Variants in HGF observed in about 807,000 individuals in gnomAD.
HGF encodes fibroblast-derived tumor cytotoxic factor.
Under a neutral mutation model 111.6 loss-of-function variants are expected in HGF, and 39 were observed. The ratio of observed to expected loss-of-function variants is 0.35; its 90% CI spans 0.27 to 0.46. The LOEUF is 0.46. HGF is among the 20% of genes least tolerant of loss of function. The pLI, the probability that HGF is intolerant of heterozygous loss-of-function variation, is 1.00. For synonymous variants in HGF, 285 were observed against 294.8 expected, an observed-to-expected ratio of 0.97 and a Z score of 0.34; for missense variants, 735 against 910.5, an observed-to-expected ratio of 0.81 and a Z score of 2.48.
chr7:81,699,060 A>G lies in HGF; in HGVS notation c.*3521T>C, dbSNP rs944636425. 3.3e-5 allele frequency: 5 copies of G among 151,500 alleles called. No individual in the cohort carries two copies. In the East Asian group the frequency reaches 5.8e-4, roughly 18 times the overall value. The allele number at this position is 151,500 out of a possible 1,614,324, so 9.4% of individuals were successfully genotyped here. Reference sequence around the variant, plus strand: ...TAATAATATAATCATGGTTATAAAAATAACAACTTTATTAACTACAGAAAG... The same window carrying G: ...TAATAATATAATCATGGTTATAAAAGTAACAACTTTATTAACTACAGAAAG... On this transcript the variant is annotated 3_prime_UTR_variant, in exon 18 of 18. Coordinates refer to ENST00000222390, the MANE Select transcript of HGF (RefSeq NM_000601.6).
At chr7:81,744,593 A>G (rs866378936) in intron 6 of HGF, among the ~76,000 whole-genome samples, 1 of 152,148 alleles carries the variant, frequency 6.6e-6, no homozygotes, top group Non-Finnish European at 1.5e-5. Context: ...ATCACAGCTA[A>G]GACTTGTCAA....
At chr7:81,741,337 A>G (rs1787992957) in intron 7 of HGF, among the ~76,000 whole-genome samples, 1 of 152,174 alleles carries the variant, frequency 6.6e-6, no homozygotes, top group East Asian at 1.9e-4. Context: ...TAACAAAGAC[A>G]TTGGAATTAT....
chr7:81,741,458 G>A (rs1019012), intron 7 of HGF, among the ~76,000 whole-genome samples: 125,010 of 152,020 alleles, frequency 0.82, 51,866 homozygotes, highest in African/African-American at 0.93. Context: ...GCCTCTCTCA[G>A]TCTCTTTTTA....
Position 81,729,710 on chromosome 7 carries a change from C to G in HGF, c.935G>C (p.Gly312Ala). Reference protein sequence around the residue: ...TTECIQGQGEGYRGTVNTIWN... With the variant: ...TTECIQGQGEAYRGTVNTIWN... ...AATGGTATTGACAGTGCCCCTGTAG[C>G]CTTCTCCTTGACCTTGGATGCATTC... is the stretch of plus-strand genomic sequence containing the variant. The change falls in exon 8 of 18, where the codon GGC (glycine) becomes GCC (alanine). Residue 312 changes from glycine (G) to alanine (A), a missense_variant. Physicochemically the swap from Gly to Ala is moderately conservative, Grantham distance 60. Transcript: ENST00000222390. 1 of 1,613,818 alleles carries G rather than the reference C, an allele frequency of 6.2e-7. No homozygotes were observed. The highest frequency in any genetic ancestry group is 8.5e-7 in the Non-Finnish European group (1 of 1,179,798).
At position 81,757,377 on chromosome 7, in the gene HGF, A is replaced by C. The variant is rs560513795; in HGVS notation, c.368-74T>G. 100 of 786,392 alleles carry C rather than the reference A, an allele frequency of 1.3e-4. 1 individual carries two copies. Among genetic ancestry groups the C allele is most frequent in the Non-Finnish European group, 2.0e-4 (89 of 439,250 alleles). The allele number at this position is 786,392 out of a possible 1,614,324, so 48.7% of individuals were successfully genotyped here. A position where few individuals can be genotyped will look rare whatever the true frequency, so the allele number is the denominator to read the frequency against. On this transcript the variant is annotated intron_variant, in intron 3 of 17. Transcript: ENST00000222390. ...AGTATTTAAGAAAAAAATTCCGTTC[A>C]AACCTGTAAGTAATTAACTCTTGTA...
At chr7:81,747,796 G>C (rs907926725) in intron 5 of HGF, among the ~76,000 whole-genome samples, 13 of 152,134 alleles carry the variant, frequency 8.5e-5, no homozygotes, top group Admixed American at 2.0e-4. Context: ...CCTTGGGTCT[G>C]GTGGTGCGTG....
chr7:81,716,132 C>T (rs1014189887), intron 11 of HGF, among the ~76,000 whole-genome samples: 1 of 152,088 alleles, frequency 6.6e-6, no homozygotes, highest in Admixed American at 6.6e-5. Flanking sequence ...AATGATTTTG[C>T]CCTCCAGGGG....
chr7:81,702,632 A>T lies in HGF; in HGVS notation c.2136T>A (p.Tyr712Ter). The T allele has an allele frequency of 6.2e-7, 1 of 1,611,556 alleles. No homozygotes were observed. The change falls in exon 18 of 18, where the codon TAT (tyrosine) becomes TAA (stop). Residue 712 changes from tyrosine to a stop codon, truncating the protein, a stop_gained. Coordinates refer to ENST00000222390, the MANE Select transcript of HGF (RefSeq NM_000601.6). LOFTEE classifies it high-confidence loss of function. ...RPGIFVRVAYYAKWIHKIILT... is the reference protein window; with the variant it reads ...RPGIFVRVAY ...AAATAATTTTGTGTATCCATTTTGC[A>T]TAATATGCTACTCGGACAAAAATAC...
At chr7:81,765,297 T>C in intron 1 of HGF, among the ~76,000 whole-genome samples, 1 of 152,234 alleles carries the variant, frequency 6.6e-6, no homozygotes, top group Non-Finnish European at 1.5e-5. Context: ...TTTGATTGTA[T>C]TTAATTCTAA....
intron 10 of HGF, among the ~76,000 whole-genome samples, chr7:81,717,720 T>C (rs1319003346): frequency 1.3e-5 from 2 of 152,184 alleles, no homozygotes; most frequent in East Asian, 3.9e-4. Flanking sequence ...AGATTAAAAC[T>C]ATAAAATACA....
chr7:81,748,324 T>G (rs1788358817), intron 5 of HGF, among the ~76,000 whole-genome samples: 1 of 152,186 alleles, frequency 6.6e-6, no homozygotes, highest in South Asian at 2.1e-4. Context: ...TTGGAGGAAT[T>G]GCAGGGAAAG....
At chr7:81,714,637 C>G (rs958603989) in intron 11 of HGF, among the ~76,000 whole-genome samples, 1 of 151,708 alleles carries the variant, frequency 6.6e-6, no homozygotes, top group African/African-American at 2.4e-5. Context: ...ATAGGCACCT[C>G]TACATTTTTA....
intron 7 of HGF, among the ~76,000 whole-genome samples, chr7:81,742,262 C>A (rs927864499): frequency 2.6e-5 from 4 of 152,098 alleles, no homozygotes; most frequent in African/African-American, 9.7e-5. Flanking sequence ...CTTTTATTAG[C>A]AGGTCTAGAT....
rs377687259 is a variant in HGF at position 81,706,791 on chromosome 7, G to A, written c.1617-364C>T. On this transcript the variant is annotated intron_variant, in intron 14 of 17. Transcript: ENST00000222390. Reference sequence around the variant, plus strand: ...TATATTTGGTTTGGTAACAGGGGTTGAAGTTTTCTACAAACAAAATCAAAG... The same window carrying A: ...TATATTTGGTTTGGTAACAGGGGTTAAAGTTTTCTACAAACAAAATCAAAG... 2.6e-5 allele frequency among the ~76,000 whole-genome samples: 4 copies of A among 152,082 alleles called. No homozygotes were observed. The East Asian group carries it at 5.8e-4, about 22-fold the overall frequency.
At chr7:81,749,879 A>G (rs1788421063) in intron 5 of HGF, among the ~76,000 whole-genome samples, 1 of 152,076 alleles carries the variant, frequency 6.6e-6, no homozygotes, top group African/African-American at 2.4e-5. Flanking sequence ...CAAAAAATAT[A>G]TACTGTTCTA....
rs1446486838 is a variant in HGF at position 81,701,724 on chromosome 7, A to T, written c.*857T>A. ...ATAGAACTATTACCCTCTTTCCTTT[A>T]AGAATTAGAAACTACATGAAATAAC... On this transcript the variant is annotated 3_prime_UTR_variant, in exon 18 of 18. Coordinates refer to ENST00000222390, the MANE Select transcript of HGF (RefSeq NM_000601.6). The T allele has an allele frequency of 6.6e-6, 1 of 151,558 alleles. No individual in the cohort carries two copies. 9.4% of individuals were successfully genotyped at this position (151,558 alleles called of 1,614,324 possible). A position where few individuals can be genotyped will look rare whatever the true frequency, so the allele number is the denominator to read the frequency against.
At chr7:81,705,253 TTAATTTTCCCAATTCCTCTTTCCTAG>T in intron 17 of HGF, 111 bp downstream of exon 17, 1 of 793,522 alleles carries the variant, frequency 1.3e-6, no homozygotes, top group Non-Finnish European at 2.1e-6. Flanking sequence ...TATTACAGAG[TTAATTTTCCCAATTCCTCTTTCCTAG>T]AATAGGTTGG....
chr7:81,764,972 A>C (rs1789286777), intron 1 of HGF, among the ~76,000 whole-genome samples: 1 of 152,056 alleles, frequency 6.6e-6, no homozygotes, highest in African/African-American at 2.4e-5. Flanking sequence ...TTGATGAAAA[A>C]AATCTATGAA....
intron 11 of HGF, 145 bp downstream of exon 11, chr7:81,717,087 G>C: frequency 1.4e-6 from 1 of 736,162 alleles, no homozygotes; most frequent in Non-Finnish European, 2.4e-6. Context: ...CTGTGTGTGT[G>C]TTGTGTACAT....
Sources: allele counts gnomAD v4.1 joint callset (sites outside exome capture counted in the v4.1 genomes callset), GRCh38; gene constraint gnomAD v4.1.1; transcripts MANE v1.5; gene names NCBI Gene and HGNC (gene_info 2026-07-23, HGNC 2026-07-21).